The following NAV3 variants were observed in gnomAD, a reference collection of about 807,000 sequenced individuals.
NAV3 encodes the protein pore membrane and/or filament interacting like protein 1.
Under a neutral mutation model 244.7 loss-of-function variants are expected in NAV3, and 87 were observed. The ratio of observed to expected loss-of-function variants is 0.36; its 90% CI spans 0.30 to 0.42. The LOEUF (loss-of-function observed/expected upper bound fraction) is 0.42, where lower values mean the gene tolerates loss of function less well. NAV3 is among the 20% of genes least tolerant of loss of function. The pLI is 1.00. For missense variants in NAV3, 2,663 were observed against 2,893.3 expected, an observed-to-expected ratio of 0.92 and a Z score of 1.83; for synonymous variants, 1,126 against 1,042.2, an observed-to-expected ratio of 1.08 and a Z score of -1.55.
At chr12:77,617,950 T>C (rs1302787384) in intron 2 of NAV3, among the ~76,000 whole-genome samples, 2 of 152,222 alleles carry the variant, frequency 1.3e-5, no homozygotes. Flanking sequence ...TATGTGATTC[T>C]GAGGCAATAG....
At chr12:78,062,740 G>A (rs1884493800) in intron 12 of NAV3, among the ~76,000 whole-genome samples, 2 of 152,096 alleles carry the variant, frequency 1.3e-5, no homozygotes, top group Admixed American at 6.6e-5. Flanking sequence ...CAAGGATTCA[G>A]GTCTTTTACT....
At chr12:77,779,529 A>T (rs192384494) in intron 2 of NAV3, among the ~76,000 whole-genome samples, 1 of 152,224 alleles carries the variant, frequency 6.6e-6, no homozygotes, top group Non-Finnish European at 1.5e-5. Context: ...GAGCAAACAC[A>T]TGGGGCTATG....
chr12:77,907,676 T>A (rs1184946108), intron 1 of NAV3, among the ~76,000 whole-genome samples: 1 of 152,122 alleles, frequency 6.6e-6, no homozygotes, highest in African/African-American at 2.4e-5. Flanking sequence ...CTGTTTTATA[T>A]GTAGGAGTCC....
At chr12:78,051,501 CT>C (rs1593397874) in intron 11 of NAV3, among the ~76,000 whole-genome samples, 1 of 149,962 alleles carries the variant, frequency 6.7e-6, no homozygotes, top group East Asian at 1.9e-4. Flanking sequence ...TTTTTTTTTT[CT>C]TTTTTAGCTT....
At chr12:77,759,359 T>G (rs950666602) in intron 2 of NAV3, among the ~76,000 whole-genome samples, 1 of 152,224 alleles carries the variant, frequency 6.6e-6, no homozygotes, top group African/African-American at 2.4e-5. Flanking sequence ...TTACAAAGCT[T>G]GCCTAAATTC....
At chr12:77,787,647 C>T (rs776965074) in intron 2 of NAV3, among the ~76,000 whole-genome samples, 7 of 152,140 alleles carry the variant, frequency 4.6e-5, no homozygotes, top group Admixed American at 3.3e-4. Flanking sequence ...AAGCTGCCCC[C>T]GTGATTCAGT....
At chr12:78,168,158 T>A (rs1957856234) in intron 23 of NAV3, among the ~76,000 whole-genome samples, 1 of 151,702 alleles carries the variant, frequency 6.6e-6, no homozygotes, top group East Asian at 1.9e-4. Context: ...CATTAGGAGT[T>A]TTACTGAATG....
intron 2 of NAV3, among the ~76,000 whole-genome samples, chr12:77,738,589 TTGAA>T (rs1399991013): frequency 6.6e-6 from 1 of 152,228 alleles, no homozygotes; most frequent in African/African-American, 2.4e-5. Flanking sequence ...ACACGTTGAT[TTGAA>T]TGATGATTAC....
intron 34 of NAV3, among the ~76,000 whole-genome samples, chr12:78,195,138 A>G (rs1410520313): frequency 6.6e-6 from 1 of 152,016 alleles, no homozygotes; most frequent in African/African-American, 2.4e-5. Flanking sequence ...TCTACTGAAA[A>G]CAAAGAAGCA....
At chr12:78,095,368 T>A (rs947634358) in intron 12 of NAV3, among the ~76,000 whole-genome samples, 1 of 152,088 alleles carries the variant, frequency 6.6e-6, no homozygotes, top group Non-Finnish European at 1.5e-5. Flanking sequence ...AGAAAGAATA[T>A]GAATATAAAC....
intron 2 of NAV3, among the ~76,000 whole-genome samples, chr12:77,780,108 T>C (rs949273510): frequency 6.6e-6 from 1 of 152,130 alleles, no homozygotes; most frequent in Middle Eastern, 3.2e-3. Context: ...CCATATAGGG[T>C]TTGTCAGACA....
At chr12:78,128,288 G>T (rs907518990) in intron 17 of NAV3, among the ~76,000 whole-genome samples, 95 of 138,506 alleles carry the variant, frequency 6.9e-4, no homozygotes, top group African/African-American at 2.4e-3. Context: ...AAAAACAAAA[G>T]CTGCCAATAT....
chr12:77,905,488 G>C (rs994574296), intron 1 of NAV3, among the ~76,000 whole-genome samples: 1 of 152,080 alleles, frequency 6.6e-6, no homozygotes, highest in Non-Finnish European at 1.5e-5. Context: ...AGAATCCAGA[G>C]ACTTAGTGTG....
At chr12:77,677,975 T>C (rs1357265534) in intron 2 of NAV3, among the ~76,000 whole-genome samples, 1 of 152,212 alleles carries the variant, frequency 6.6e-6, no homozygotes, top group Non-Finnish European at 1.5e-5. Flanking sequence ...AATTTTTTTC[T>C]TACAACTTTA....
chr12:77,721,829 T>C (rs1339707079), intron 2 of NAV3, among the ~76,000 whole-genome samples: 1 of 152,086 alleles, frequency 6.6e-6, no homozygotes, highest in Non-Finnish European at 1.5e-5. Context: ...GGAGGTAAAA[T>C]ACATGTGTCA....
At chr12:77,940,632 ACTG>A (rs1490550553) in intron 2 of NAV3, among the ~76,000 whole-genome samples, 196 bp downstream of exon 2, 2 of 152,206 alleles carry the variant, frequency 1.3e-5, no homozygotes. Flanking sequence ...AATAACTAGA[ACTG>A]TATCTTTATA....
intron 2 of NAV3, among the ~76,000 whole-genome samples, chr12:77,744,418 C>T (rs1868431930): frequency 6.6e-6 from 1 of 151,702 alleles, no homozygotes; most frequent in Admixed American, 6.6e-5. Flanking sequence ...CATTTGTTTC[C>T]CATCTTTATT....
chr12:78,077,607 T>C (rs372471405), intron 12 of NAV3, among the ~76,000 whole-genome samples: 120 of 152,310 alleles, frequency 7.9e-4, no homozygotes, highest in African/African-American at 2.6e-3. Context: ...TGCTAAGACT[T>C]TATAACAAAG....
chr12:77,916,609 T>G (rs2137112779), intron 1 of NAV3, among the ~76,000 whole-genome samples: 1 of 152,096 alleles, frequency 6.6e-6, no homozygotes, highest in African/African-American at 2.4e-5. Flanking sequence ...TAGTAAAAGG[T>G]ATTTTAACCT....
Sources: allele counts gnomAD v4.1 joint callset (sites outside exome capture counted in the v4.1 genomes callset), GRCh38; gene constraint gnomAD v4.1.1; transcripts MANE v1.5; gene names NCBI Gene and HGNC (gene_info 2026-07-23, HGNC 2026-07-21).